Variants in EMP2 observed in about 807,000 individuals in gnomAD.
The protein encoded by EMP2 is epithelial membrane protein 2.
EMP2 carries 19 observed loss-of-function variants against 13.7 expected under a neutral mutation model. The ratio of observed to expected loss-of-function variants is 1.38; its 90% CI spans 0.97 to 2.03. The LOEUF (loss-of-function observed/expected upper bound fraction) is 2.03. Among genes scored for constraint, EMP2 ranks in the 30% most tolerant of loss-of-function variants. The probability of loss-of-function intolerance (pLI) is 0.00; values close to 1 mark genes in which losing one functional copy is unlikely to be tolerated. For missense variants in EMP2, 253 were observed against 220.7 expected (o/e 1.15, Z -0.93); for synonymous variants, 97 against 84.7 (o/e 1.15, Z -0.80).
At chr16:10,562,414 G>A (rs1368692286) in intron 1 of EMP2, among the ~76,000 whole-genome samples, 1 of 127,386 alleles carries the variant, frequency 7.9e-6, no homozygotes, top group Non-Finnish European at 1.6e-5. Context: ...CTATCTCTCT[G>A]CCCAGTAACT....
At chr16:10,543,455 C>T (rs940312098) in intron 3 of EMP2, 115 bp downstream of exon 3, 26 of 1,195,872 alleles carry the variant, frequency 2.2e-5, no homozygotes, top group African/African-American at 3.0e-5. Context: ...CCAGGCCCAC[C>T]GGAGTATGCA....
At chr16:10,569,768 C>A (rs1240986024) in intron 1 of EMP2, among the ~76,000 whole-genome samples, 1 of 152,292 alleles carries the variant, frequency 6.6e-6, no homozygotes, top group East Asian at 1.9e-4. Context: ...CAAATGCCTG[C>A]GTGCATGCAG....
chr16:10,579,987 T>G (rs1875926), intron 1 of EMP2, among the ~76,000 whole-genome samples: 1 of 152,140 alleles, frequency 6.6e-6, no homozygotes, highest in Admixed American at 6.5e-5. Context: ...CCCAAGCCCT[T>G]CTAGAGTTGG....
chr16:10,538,424 T>C lies in EMP2; in HGVS notation c.170-350A>G, dbSNP rs77855353. On this transcript the variant is annotated intron_variant, in intron 3 of 4. Transcript: ENST00000359543. ...AAACCTCAGGTTCCAACGTGGTAGA[T>C]TGTGACTCAAGAAATCAGGATGGGG... is the stretch of plus-strand genomic sequence containing the variant. 4.9e-3 allele frequency among the ~76,000 whole-genome samples: 749 copies of C among 152,258 alleles called. 11 individuals are homozygous for C. Among genetic ancestry groups the C allele is most frequent in the African/African-American group, 0.015 (630 of 41,548 alleles).
In EMP2 at chr16:10,532,343, G is replaced by T. The variant is rs2050610455; in HGVS notation, c.*562C>A. 1 of 152,850 alleles carries T rather than the reference G, an allele frequency of 6.5e-6. No homozygotes were observed. The highest frequency in any genetic ancestry group is 2.4e-5 in the African/African-American group (1 of 41,416). The allele number at this position is 152,850 out of a possible 1,614,324, so 9.5% of individuals were successfully genotyped here. On this transcript the variant is annotated 3_prime_UTR_variant, in exon 5 of 5. Transcript: ENST00000359543. ...TTCTGACCCACCCCGATACCGGAGG[G>T]ATGGCTGGGCTCTGGTTTGGATACA...
rs376422933 is a variant in EMP2 at position 10,543,556 on chromosome 16, T to G, written c.169+14A>C. Reference sequence around the variant, plus strand: ...CTCAGTGCTTCTCAGTCAGCTTCCTTCATTCACACTTACCTTGAAAGCTGT... The same window carrying G: ...CTCAGTGCTTCTCAGTCAGCTTCCTGCATTCACACTTACCTTGAAAGCTGT... On this transcript the variant is annotated intron_variant, in intron 3 of 4. Coordinates refer to ENST00000359543, the MANE Select transcript of EMP2 (RefSeq NM_001424.6). 5 of 1,613,766 alleles carry G rather than the reference T, an allele frequency of 3.1e-6. No individual in the cohort carries two copies. Among genetic ancestry groups the G allele is most frequent in the Non-Finnish European group, 4.2e-6 (5 of 1,179,708 alleles).
intron 1 of EMP2, chr16:10,576,546 T>C (rs1249552555): frequency 6.6e-6 from 1 of 151,840 alleles, no homozygotes; most frequent in Non-Finnish European, 1.5e-5. Context: ...AGGACAATCA[T>C]GGTGTCAAAT....
chr16:10,537,062 A>G (rs904849965), intron 4 of EMP2, among the ~76,000 whole-genome samples: 4 of 152,056 alleles, frequency 2.6e-5, no homozygotes, highest in Admixed American at 1.3e-4. Context: ...TGGTAGTTAG[A>G]GTGGTTAGGG....
At chr16:10,546,413 G>C (rs926810881) in intron 2 of EMP2, 1 of 152,214 alleles carries the variant, frequency 6.6e-6, no homozygotes, top group African/African-American at 2.4e-5. Context: ...TCTATGCCAA[G>C]AGGTTATTTA....
intron 3 of EMP2, among the ~76,000 whole-genome samples, chr16:10,541,674 G>A (rs1453970935): frequency 6.6e-6 from 1 of 152,190 alleles, no homozygotes; most frequent in Non-Finnish European, 1.5e-5. Context: ...AGGTTAGCAT[G>A]ACAGAATAAC....
intron 1 of EMP2, among the ~76,000 whole-genome samples, chr16:10,557,540 C>A (rs145582626): frequency 6.6e-6 from 1 of 152,226 alleles, no homozygotes; most frequent in African/African-American, 2.4e-5. Flanking sequence ...CTAAAAGGAA[C>A]TAAGCACATG....
At chr16:10,534,710 G>A (rs1362235900) in intron 4 of EMP2, among the ~76,000 whole-genome samples, 4 of 152,210 alleles carry the variant, frequency 2.6e-5, no homozygotes. Context: ...AGGTTGCAGC[G>A]AGCCAAGGTC....
intron 3 of EMP2, among the ~76,000 whole-genome samples, chr16:10,539,395 C>T (rs761308408): frequency 1.3e-5 from 2 of 152,152 alleles, no homozygotes; most frequent in African/African-American, 2.4e-5. Flanking sequence ...GAGCATCTAG[C>T]CTTTCCCCCA....
intron 1 of EMP2, among the ~76,000 whole-genome samples, chr16:10,548,622 A>C (rs1319617784): frequency 6.6e-6 from 1 of 152,172 alleles, no homozygotes; most frequent in Non-Finnish European, 1.5e-5. Context: ...TGAGCCCAGG[A>C]GGTGGAGGCT....
intron 1 of EMP2, among the ~76,000 whole-genome samples, chr16:10,567,400 G>T (rs1356408303): frequency 6.6e-6 from 1 of 152,206 alleles, no homozygotes; most frequent in Non-Finnish European, 1.5e-5. Flanking sequence ...CCAGCTCTCT[G>T]ACTCCTCTGA....
chr16:10,568,133 A>G (rs2050921650), intron 1 of EMP2, among the ~76,000 whole-genome samples: 1 of 152,238 alleles, frequency 6.6e-6, no homozygotes, highest in African/African-American at 2.4e-5. Context: ...GGCTGCAGGA[A>G]GTAGAAGGGC....
At chr16:10,559,886 G>C (rs183162121) in intron 1 of EMP2, among the ~76,000 whole-genome samples, 93 of 152,238 alleles carry the variant, frequency 6.1e-4, no homozygotes, top group African/African-American at 2.2e-3. Flanking sequence ...TGTTGGCCAG[G>C]CTGGTCTTGA....
chr16:10,554,212 A>G (rs1470095206), intron 1 of EMP2, among the ~76,000 whole-genome samples: 2 of 151,912 alleles, frequency 1.3e-5, no homozygotes, highest in African/African-American at 4.8e-5. Context: ...TTGTATTTTT[A>G]GTAAAGACAG....
intron 2 of EMP2, 188 bp downstream of exon 2, chr16:10,547,352 T>TC (rs1243380419): frequency 1.7e-6 from 1 of 600,584 alleles, no homozygotes; most frequent in African/African-American, 1.9e-5. Flanking sequence ...GTGGCTTTGC[T>TC]CCTCCTTTGC....
Sources: gnomAD v4.1 joint callset for allele counts (sites outside exome capture counted in the v4.1 genomes callset) on GRCh38, gnomAD v4.1.1 for gene constraint, MANE v1.5 for transcripts, NCBI Gene and HGNC (gene_info 2026-07-23, HGNC 2026-07-21) for gene names.